The following CSMD3 variants were observed in gnomAD, a reference collection of about 807,000 sequenced individuals.
CSMD3 encodes CUB and Sushi multiple domains 3, also known as CUB and sushi domain-containing protein 3.
Under a neutral mutation model 435.2 loss-of-function variants are expected in CSMD3, and 177 were observed. The ratio of observed to expected loss-of-function variants is 0.41; its 90% CI spans 0.36 to 0.46. The LOEUF is 0.46. CSMD3 is among the 20% of genes least tolerant of loss of function. The pLI is 0.34. For missense variants in CSMD3, 4,265 were observed against 4,504.6 expected (o/e 0.95, Z 1.52); for synonymous variants, 1,656 against 1,520.5 (o/e 1.09, Z -2.07).
chr8:113,398,939 G>A (rs1221146639), intron 1 of CSMD3, among the ~76,000 whole-genome samples: 1 of 151,574 alleles, frequency 6.6e-6, no homozygotes, highest in Non-Finnish European at 1.5e-5. Flanking sequence ...TGAGGGACAA[G>A]GCCTGTGTTT....
At chr8:113,071,761 G>A (rs896680639) in intron 5 of CSMD3, among the ~76,000 whole-genome samples, 1 of 151,698 alleles carries the variant, frequency 6.6e-6, no homozygotes, top group African/African-American at 2.4e-5. Context: ...TGTTCTTCTT[G>A]TTCAAATTGC....
At chr8:113,075,255 AT>A (rs1441785382) in intron 5 of CSMD3, among the ~76,000 whole-genome samples, 1 of 151,852 alleles carries the variant, frequency 6.6e-6, no homozygotes, top group Non-Finnish European at 1.5e-5. Context: ...TGAATCCCAT[AT>A]TGCCAATAAT....
chr8:112,255,565 AATTT>A lies in CSMD3; in HGVS notation c.9863-142_9863-139del. 3 of 779,238 alleles carry A rather than the reference AATTT, an allele frequency of 3.8e-6. No individual in the cohort carries two copies. In the South Asian group the frequency reaches 4.9e-5, roughly 13 times the overall value. 48.3% of individuals were successfully genotyped at this position (779,238 alleles called of 1,614,324 possible). On this transcript the variant is annotated intron_variant, in intron 61 of 70. Coordinates refer to ENST00000297405, the MANE Select transcript of CSMD3 (RefSeq NM_198123.2). The stretch of plus-strand genomic sequence containing the variant: ...CATGATAAAGCTATCCCAATGAAAA[AATTT>A]ATTTTTTAGCTTATGTGCAGATAAA...
Position 113,376,923 on chromosome 8 carries a change from C to T in CSMD3, c.178+59754G>A, listed in dbSNP as rs2094387879. 4 of 1,507,600 alleles carry T rather than the reference C, an allele frequency of 2.7e-6. No individual in the cohort carries two copies. The African/African-American group carries it at 5.6e-5, about 21-fold the overall frequency. 93.4% of individuals were successfully genotyped at this position (1,507,600 alleles called of 1,614,324 possible). A position where few individuals can be genotyped will look rare whatever the true frequency, so the allele number is the denominator to read the frequency against. Reference sequence around the variant, plus strand: ...ACAAAACAGCCGTGGTTGTGGGGGCCATAACGGATGACGTGCGGGTTCAGG... The same window carrying T: ...ACAAAACAGCCGTGGTTGTGGGGGCTATAACGGATGACGTGCGGGTTCAGG... On this transcript the variant is annotated intron_variant, in intron 1 of 70. Coordinates refer to ENST00000297405, the MANE Select transcript of CSMD3 (RefSeq NM_198123.2).
intron 22 of CSMD3, among the ~76,000 whole-genome samples, chr8:112,609,536 A>T (rs1012663637): frequency 2.0e-5 from 3 of 152,162 alleles, no homozygotes; most frequent in African/African-American, 7.2e-5. Flanking sequence ...ATGGATATGG[A>T]GAAAGGGGAA....
chr8:112,981,233 T>A (rs1413536726), intron 6 of CSMD3, among the ~76,000 whole-genome samples: 1 of 151,180 alleles, frequency 6.6e-6, no homozygotes, highest in South Asian at 2.1e-4. Flanking sequence ...AATTATGAAA[T>A]GACAATGCAA....
chr8:113,194,837 G>C (rs974989607), intron 3 of CSMD3, among the ~76,000 whole-genome samples: 1 of 151,140 alleles, frequency 6.6e-6, no homozygotes, highest in Non-Finnish European at 1.5e-5. Context: ...CCTATACCTA[G>C]CTTACAAACA....
At chr8:112,753,155 C>G (rs546057453) in intron 13 of CSMD3, among the ~76,000 whole-genome samples, 3 of 151,906 alleles carry the variant, frequency 2.0e-5, no homozygotes, top group Non-Finnish European at 4.4e-5. Context: ...TTGCTGACAT[C>G]AAAAGATATT....
chr8:113,168,536 A>AC (rs1174753570), intron 4 of CSMD3, among the ~76,000 whole-genome samples: 1 of 149,612 alleles, frequency 6.7e-6, no homozygotes. Flanking sequence ...AAAAAAAAAA[A>AC]AAAAAAAAAA....
intron 66 of CSMD3, 31 bp downstream of exon 66, chr8:112,241,689 G>T (rs761702974): frequency 6.7e-7 from 1 of 1,486,838 alleles, no homozygotes; most frequent in Non-Finnish European, 9.4e-7. Context: ...TAGAAATAAT[G>T]AACTCTAGAA....
At chr8:113,192,025 T>C (rs1343855009) in intron 3 of CSMD3, among the ~76,000 whole-genome samples, 1 of 151,866 alleles carries the variant, frequency 6.6e-6, no homozygotes, top group Non-Finnish European at 1.5e-5. Context: ...TTTTTCATGT[T>C]TGTTTGCCAC....
chr8:112,943,430 G>C (rs1276972247), intron 9 of CSMD3, among the ~76,000 whole-genome samples: 1 of 151,556 alleles, frequency 6.6e-6, no homozygotes, highest in African/African-American at 2.4e-5. Flanking sequence ...CATGCCACGA[G>C]TTCTTTTGAA....
intron 55 of CSMD3, 39 bp downstream of exon 55, chr8:112,292,498 T>C: frequency 1.3e-6 from 2 of 1,599,318 alleles, no homozygotes; most frequent in Non-Finnish European, 1.7e-6. Context: ...GTGAATATTA[T>C]TATCATGCCA....
At chr8:113,145,619 G>T in intron 4 of CSMD3, among the ~76,000 whole-genome samples, 1 of 151,638 alleles carries the variant, frequency 6.6e-6, no homozygotes, top group East Asian at 2.0e-4. Flanking sequence ...AGGTATAATG[G>T]TATTTTTATA....
At chr8:112,945,878 C>G (rs1372674238) in intron 9 of CSMD3, among the ~76,000 whole-genome samples, 3 of 151,504 alleles carry the variant, frequency 2.0e-5, no homozygotes, top group African/African-American at 7.3e-5. Context: ...CCTTCCCTGC[C>G]GGTGGGACAC....
chr8:112,673,711 AG>A (rs36072547), intron 16 of CSMD3, among the ~76,000 whole-genome samples: 2 of 152,086 alleles, frequency 1.3e-5, no homozygotes, highest in Admixed American at 6.6e-5. Flanking sequence ...TTACCCTCAA[AG>A]GGAAAGTTCA....
At position 112,666,093 on chromosome 8, in the gene CSMD3, A is replaced by T. The variant is rs114127876; in HGVS notation, c.2816+184T>A. On this transcript the variant is annotated intron_variant, in intron 17 of 70. Transcript: ENST00000297405. ...CAATAGTACTGATACAGCATTACAC[A>T]AATAGAAAATTAACTTGGAAACACG... 6.1e-3 allele frequency among the ~76,000 whole-genome samples: 924 copies of T among 152,254 alleles called. 11 individuals carry two copies. Among genetic ancestry groups the T allele is most frequent in the African/African-American group, 0.021 (879 of 41,564 alleles).
At chr8:113,390,367 C>T (rs987669421) in intron 1 of CSMD3, among the ~76,000 whole-genome samples, 16 of 151,786 alleles carry the variant, frequency 1.1e-4, no homozygotes, top group African/African-American at 3.9e-4. Context: ...ATTTTCTCTC[C>T]TAACTTCTTA....
chr8:112,772,716 G>A (rs1021208995), intron 13 of CSMD3, among the ~76,000 whole-genome samples: 6 of 152,054 alleles, frequency 3.9e-5, no homozygotes, highest in African/African-American at 1.4e-4. Context: ...TGTAAAGCCC[G>A]ATTGTATATT....
Sources: allele counts gnomAD v4.1 joint callset (sites outside exome capture counted in the v4.1 genomes callset), GRCh38; gene constraint gnomAD v4.1.1; transcripts MANE v1.5; gene names NCBI Gene and HGNC (gene_info 2026-07-23, HGNC 2026-07-21).